The following HECW1 variants were observed in gnomAD, a reference collection of about 807,000 sequenced individuals.
HECW1 encodes HECT, C2 and WW domain containing E3 ubiquitin protein ligase 1.
HECW1 carries 61 observed loss-of-function variants against 182.3 expected under a neutral mutation model. The ratio of observed to expected loss-of-function variants is 0.33; its 90% CI spans 0.27 to 0.41. HECW1 has a LOEUF of 0.41. Among genes scored for constraint, HECW1 ranks in the 10% least tolerant of loss-of-function variants. The pLI is 1.00. For missense variants in HECW1, 1,739 were observed against 2,108.9 expected (o/e 0.82, Z 3.44); for synonymous variants, 859 against 832.6 (o/e 1.03, Z -0.55).
At chr7:43,168,663 A>C (rs1448854856) in intron 2 of HECW1, among the ~76,000 whole-genome samples, 1 of 152,014 alleles carries the variant, frequency 6.6e-6, no homozygotes, top group East Asian at 1.9e-4. Context: ...CTGTCTCCAA[A>C]ATAATAATAA....
intron 24 of HECW1, among the ~76,000 whole-genome samples, chr7:43,527,553 C>T (rs1003985981): frequency 2.6e-5 from 4 of 152,134 alleles, no homozygotes; most frequent in African/African-American, 9.7e-5. Context: ...CTGGATAATC[C>T]AAGATCATCT....
At chr7:43,371,603 A>G (rs2074105607) in intron 6 of HECW1, among the ~76,000 whole-genome samples, 1 of 152,266 alleles carries the variant, frequency 6.6e-6, no homozygotes, top group East Asian at 1.9e-4. Flanking sequence ...GTTTAGCAAA[A>G]TTTATCAAAT....
intron 3 of HECW1, among the ~76,000 whole-genome samples, chr7:43,273,223 T>C (rs184305137): frequency 9.9e-4 from 151 of 152,172 alleles, no homozygotes; most frequent in African/African-American, 3.4e-3. Context: ...CTGGGTACAA[T>C]GCTCAGTACC....
chr7:43,233,526 A>T (rs1005429851), intron 2 of HECW1, among the ~76,000 whole-genome samples: 1 of 152,198 alleles, frequency 6.6e-6, no homozygotes, highest in African/African-American at 2.4e-5. Flanking sequence ...GGCCGATGAT[A>T]GATTTTCCTG....
At chr7:43,521,130 G>A (rs73329844) in intron 24 of HECW1, among the ~76,000 whole-genome samples, 3,770 of 152,292 alleles carry the variant, frequency 0.025, 65 homozygotes, top group African/African-American at 0.047. Flanking sequence ...GTGGTTTGAC[G>A]GATGCGTCTC....
At chr7:43,205,114 C>T (rs1222818647) in intron 2 of HECW1, among the ~76,000 whole-genome samples, 1 of 151,534 alleles carries the variant, frequency 6.6e-6, no homozygotes, top group Non-Finnish European at 1.5e-5. Context: ...AATGGAGTCT[C>T]GCACTATTGC....
rs373023451 is a variant in HECW1, at chr7:43,485,648, G to T, written c.3234+5904G>T. Among the ~76,000 whole-genome samples the T allele has an allele frequency of 2.6e-5, 4 of 152,062 alleles. No homozygotes were observed. In the East Asian group the frequency reaches 7.7e-4, roughly 29 times the overall value. ...GCAGTTGTAACACAATGGTATTTGT[G>T]CCTCTAAACATATCTAAACATAGAA... On this transcript the variant is annotated intron_variant, in intron 17 of 29. Transcript: ENST00000395891.
chr7:43,186,302 G>T (rs776984272), intron 2 of HECW1, among the ~76,000 whole-genome samples: 135 of 152,294 alleles, frequency 8.9e-4, no homozygotes, highest in Non-Finnish European at 9.8e-4. Flanking sequence ...AAAGTAACTA[G>T]TACACACCTA....
chr7:43,509,227 A>C, intron 24 of HECW1, 106 bp downstream of exon 24: 1 of 1,075,996 alleles, frequency 9.3e-7, no homozygotes, highest in Non-Finnish European at 1.4e-6. Flanking sequence ...CAGTGGCCAG[A>C]TGTTATGAGG....
chr7:43,271,429 C>T (rs572445222), intron 3 of HECW1, among the ~76,000 whole-genome samples: 27 of 152,192 alleles, frequency 1.8e-4, no homozygotes, highest in Admixed American at 2.0e-4. Flanking sequence ...TCTTTCTTCC[C>T]GAATTATATG....
intron 2 of HECW1, among the ~76,000 whole-genome samples, chr7:43,160,732 A>G (rs1215294108): frequency 6.6e-6 from 1 of 152,040 alleles, no homozygotes; most frequent in African/African-American, 2.4e-5. Context: ...TTCTTTAGCA[A>G]TTATGATGGC....
intron 24 of HECW1, among the ~76,000 whole-genome samples, chr7:43,528,170 G>C (rs2080835071): frequency 6.6e-6 from 1 of 152,162 alleles, no homozygotes; most frequent in African/African-American, 2.4e-5. Flanking sequence ...CATAATCTCA[G>C]TCATGAGCAT....
intron 2 of HECW1, among the ~76,000 whole-genome samples, chr7:43,237,310 A>C (rs936124265): frequency 6.6e-6 from 1 of 152,192 alleles, no homozygotes; most frequent in East Asian, 1.9e-4. Context: ...ACTGGAGAAG[A>C]CCTGCCTGGA....
At chr7:43,385,450 A>G (rs2074755550) in intron 6 of HECW1, among the ~76,000 whole-genome samples, 1 of 150,916 alleles carries the variant, frequency 6.6e-6, no homozygotes, top group African/African-American at 2.4e-5. Flanking sequence ...CTCACCTGGG[A>G]GCCTTAAAGA....
chr7:43,287,865 G>A (rs1331451051), intron 3 of HECW1, among the ~76,000 whole-genome samples: 1 of 152,208 alleles, frequency 6.6e-6, no homozygotes, highest in African/African-American at 2.4e-5. Flanking sequence ...CCTGAGGAGT[G>A]TGAAGAATCA....
chr7:43,536,929 G>A (rs1047975700), intron 24 of HECW1, among the ~76,000 whole-genome samples: 2 of 152,222 alleles, frequency 1.3e-5, no homozygotes, highest in African/African-American at 4.8e-5. Context: ...CAGATGCGGG[G>A]CTGCAGCCTG....
At chr7:43,560,038 G>A (rs1435995475) in intron 29 of HECW1, among the ~76,000 whole-genome samples, 1 of 152,120 alleles carries the variant, frequency 6.6e-6, no homozygotes. Flanking sequence ...ACTCATGAGT[G>A]CCAGTTAAAA....
intron 5 of HECW1, among the ~76,000 whole-genome samples, chr7:43,342,383 A>G (rs1031550269): frequency 6.6e-6 from 1 of 151,894 alleles, no homozygotes; most frequent in Non-Finnish European, 1.5e-5. Context: ...AAAAAGAAAT[A>G]CAAATGGATA....
intron 29 of HECW1, among the ~76,000 whole-genome samples, chr7:43,555,878 C>T (rs1039092746): frequency 4.7e-5 from 7 of 150,048 alleles, no homozygotes; most frequent in African/African-American, 1.7e-4. Flanking sequence ...GAAAAGAAGA[C>T]TAAAAAGGCA....
Sources: allele counts gnomAD v4.1 joint callset (sites outside exome capture counted in the v4.1 genomes callset), GRCh38; gene constraint gnomAD v4.1.1; transcripts MANE v1.5; gene names NCBI Gene and HGNC (gene_info 2026-07-23, HGNC 2026-07-21).